The following TP53BP2 variants were observed in gnomAD, a reference collection of about 807,000 sequenced individuals.
The protein encoded by TP53BP2 is tumor protein p53 binding protein 2.
Under a neutral mutation model 126.2 loss-of-function variants are expected in TP53BP2, and 62 were observed. The ratio of observed to expected loss-of-function variants is 0.49; its 90% CI spans 0.40 to 0.61. TP53BP2 has a LOEUF of 0.61. TP53BP2 is among the 20% of genes least tolerant of loss of function. The pLI, the probability that TP53BP2 is intolerant of heterozygous loss-of-function variation, is 0.00. For missense variants in TP53BP2, 1,215 were observed against 1,402.8 expected (o/e 0.87, Z 2.14); for synonymous variants, 485 against 502.9 (o/e 0.96, Z 0.48).
intron 5 of TP53BP2, among the ~76,000 whole-genome samples, chr1:223,805,542 CA>C (rs1409793784): frequency 1.3e-5 from 2 of 152,188 alleles, no homozygotes; most frequent in East Asian, 3.8e-4. Flanking sequence ...TCTGGTATTA[CA>C]AACAGAAATG....
chr1:223,843,658 A>G (rs1451967921), intron 1 of TP53BP2, among the ~76,000 whole-genome samples: 1 of 152,192 alleles, frequency 6.6e-6, no homozygotes, highest in African/African-American at 2.4e-5. Flanking sequence ...CTACATTCTG[A>G]GACTATCCAT....
At chr1:223,842,187 C>A (rs1031354644) in intron 1 of TP53BP2, among the ~76,000 whole-genome samples, 1 of 152,186 alleles carries the variant, frequency 6.6e-6, no homozygotes, top group Non-Finnish European at 1.5e-5. Flanking sequence ...ATCCACCCAC[C>A]TCGGCCTCCC....
chr1:223,822,017 G>A (rs1014899330), intron 1 of TP53BP2, among the ~76,000 whole-genome samples: 1 of 151,606 alleles, frequency 6.6e-6, no homozygotes, highest in Non-Finnish European at 1.5e-5. Flanking sequence ...TCAGCCTCCC[G>A]AGTAGCTGGG....
At chr1:223,835,001 C>A (rs1036467793) in intron 1 of TP53BP2, among the ~76,000 whole-genome samples, 1 of 152,124 alleles carries the variant, frequency 6.6e-6, no homozygotes, top group Non-Finnish European at 1.5e-5. Context: ...TAACTCACTC[C>A]CCAAAAAACT....
intron 1 of TP53BP2, among the ~76,000 whole-genome samples, chr1:223,840,936 G>A (rs958877590): frequency 6.6e-6 from 1 of 152,210 alleles, no homozygotes; most frequent in African/African-American, 2.4e-5. Flanking sequence ...GAAGTCACAA[G>A]GCAACAAAAC....
intron 16 of TP53BP2, among the ~76,000 whole-genome samples, chr1:223,786,482 A>C (rs1056871376): frequency 3.9e-5 from 6 of 152,218 alleles, no homozygotes; most frequent in African/African-American, 1.4e-4. Flanking sequence ...GTTTAAAAAA[A>C]TCATATTCCA....
chr1:223,812,759 C>T (rs1004069360), intron 3 of TP53BP2, among the ~76,000 whole-genome samples: 3 of 152,128 alleles, frequency 2.0e-5, no homozygotes, highest in African/African-American at 7.2e-5. Context: ...AGGGTTTCAC[C>T]ATGTTGGCCA....
rs761492632 is a variant in TP53BP2, at chr1:223,802,274, T to C, written c.1067A>G (p.Tyr356Cys). The change falls in exon 9 of 18, where the codon TAT (tyrosine) becomes TGT (cysteine). Residue 356 changes from tyrosine (Y) to cysteine (C), a missense_variant. Tyr to Cys is a radical substitution (Grantham distance 194, BLOSUM62 -2). This residue lies in a region of TP53BP2 where 814 missense variants were observed against 853.0 expected (regional missense o/e 0.95). Coordinates refer to ENST00000343537, the MANE Select transcript of TP53BP2 (RefSeq NM_001031685.3). ...CCGAGGCATAGTAGACGACTGGATA[T>C]AGGGACCTACTGCAGCCACACGGCT... Reference protein sequence around the residue: ...APSRVAAVGPYIQSSTMPRMP... With the variant: ...APSRVAAVGPCIQSSTMPRMP... 7.4e-6 allele frequency: 12 copies of C among 1,614,230 alleles called. No individual in the cohort carries two copies. Among genetic ancestry groups the C allele is most frequent in the Non-Finnish European group, 1.0e-5 (12 of 1,180,026 alleles).
In TP53BP2 at chr1:223,795,994, T is replaced by G; in HGVS notation, c.2545A>C (p.Asn849His). 1 of 1,614,024 alleles carries G rather than the reference T, an allele frequency of 6.2e-7. No individual in the cohort carries two copies. The highest frequency in any genetic ancestry group is 8.5e-7 in the Non-Finnish European group (1 of 1,179,966). The change falls in exon 13 of 18, where the codon AAT becomes CAT. Residue 849 changes from asparagine to histidine, a missense_variant. This residue lies in a region of TP53BP2 where 204 missense variants were observed against 225.7 expected (regional missense o/e 0.90). Transcript: ENST00000343537. ...GGTTCTTCTGGGTTATTCTGGAGAT[T>G]TGGGCTGTTGTCTGGGACTCCCTCA... The part of the protein sequence containing the change: ...EPEGVPDNSP[N>H]LQNNPEEPNP...
In TP53BP2 at chr1:223,796,027, A is replaced by C. The variant is rs781076953; in HGVS notation, c.2512T>G (p.Tyr838Asp). The stretch of plus-strand genomic sequence containing the variant: ...TTGTCTGGGACTCCCTCAGGCTCAT[A>C]ATCAAGGCCTGGAGAAGGAGCTGGC... ...DMPAPSPGLD[Y>D]EPEGVPDNSP... Residue 838 changes from tyrosine to aspartate, a missense_variant, in exon 13 of 18, where the codon TAT becomes GAT. By Grantham distance (160) the Tyr-to-Asp change is radical. Transcript: ENST00000343537. This position sits in a 1 kb window ranked among gnomAD's most constrained non-coding sequence, Gnocchi z 4.2. The C allele has an allele frequency of 1.9e-6, 3 of 1,613,956 alleles. No homozygotes were observed. In the Middle Eastern group the frequency reaches 4.9e-4, roughly 265 times the overall value.
intron 1 of TP53BP2, among the ~76,000 whole-genome samples, chr1:223,824,809 C>T (rs893922429): frequency 3.3e-5 from 5 of 152,144 alleles, no homozygotes; most frequent in African/African-American, 1.2e-4. Context: ...CTAATCCCCC[C>T]TCACTCTGTG....
chr1:223,803,018 C>A lies in TP53BP2; in HGVS notation c.832-123G>T, dbSNP rs929087188. 6.6e-6 allele frequency: 7 copies of A among 1,062,268 alleles called. No individual in the cohort carries two copies. The African/African-American group carries it at 9.6e-5, about 15-fold the overall frequency. The allele number at this position is 1,062,268 out of a possible 1,614,324, so 65.8% of individuals were successfully genotyped here. ...TATGAGGTCCCTCCACCCCTCCACA[C>A]TTCTCATCTCATGGTTTAAAATTAA... On this transcript the variant is annotated intron_variant, in intron 7 of 17. Coordinates refer to ENST00000343537, the MANE Select transcript of TP53BP2 (RefSeq NM_001031685.3).
At chr1:223,800,334 C>T (rs963648019) in intron 10 of TP53BP2, among the ~76,000 whole-genome samples, 1 of 152,130 alleles carries the variant, frequency 6.6e-6, no homozygotes, top group African/African-American at 2.4e-5. Flanking sequence ...CGCCTGTAAT[C>T]CAAGCACTTT....
At chr1:223,800,585 T>TA (rs1253414295) in intron 10 of TP53BP2, 115 bp downstream of exon 10, 664 of 733,874 alleles carry the variant, frequency 9.0e-4, no homozygotes, top group Non-Finnish European at 1.1e-3. Context: ...ATCCTGTCTT[T>TA]AAAAAAAACA....
intron 1 of TP53BP2, among the ~76,000 whole-genome samples, chr1:223,844,738 G>A (rs1027153642): frequency 2.0e-5 from 3 of 152,162 alleles, no homozygotes; most frequent in African/African-American, 7.2e-5. Flanking sequence ...CTGTATGTAT[G>A]ACTGCAAACT....
In TP53BP2 at chr1:223,795,798, G is replaced by T; in HGVS notation, c.2724+17C>A. The T allele has an allele frequency of 6.7e-7, 1 of 1,499,420 alleles. No homozygotes were observed. 92.9% of individuals were successfully genotyped at this position (1,499,420 alleles called of 1,614,324 possible). A position where few individuals can be genotyped will look rare whatever the true frequency, so the allele number is the denominator to read the frequency against. ...TAAAGGACTCCGGAAAAGGCTATGA[G>T]ATAGTACATTACTTACAGGAGGCAG... On this transcript the variant is annotated intron_variant, in intron 13 of 17. Coordinates refer to ENST00000343537, the MANE Select transcript of TP53BP2 (RefSeq NM_001031685.3).
chr1:223,831,961 T>C (rs900043680), intron 1 of TP53BP2, among the ~76,000 whole-genome samples: 1 of 152,110 alleles, frequency 6.6e-6, no homozygotes, highest in East Asian at 1.9e-4. Context: ...ACTGTAACTA[T>C]GATGTTATGC....
At chr1:223,839,828 G>A (rs1397336838) in intron 1 of TP53BP2, among the ~76,000 whole-genome samples, 3 of 152,176 alleles carry the variant, frequency 2.0e-5, no homozygotes, top group South Asian at 2.1e-4. Context: ...CCAACTACTC[G>A]GGAGGCTGCT....
rs956865207 is a variant in TP53BP2 at position 223,801,988 on chromosome 1, A to G, written c.1225+128T>C. The stretch of plus-strand genomic sequence containing the variant: ...TTTTTAAACGTCTCATTACACCAGC[A>G]AAGAATATAAAAGGATTTTTAGAAT... On this transcript the variant is annotated intron_variant, in intron 9 of 17. Coordinates refer to ENST00000343537, the MANE Select transcript of TP53BP2 (RefSeq NM_001031685.3). The G allele has an allele frequency of 7.4e-6, 7 of 941,870 alleles. No homozygotes were observed. The Admixed American group carries it at 1.4e-4, about 19-fold the overall frequency. The allele number at this position is 941,870 out of a possible 1,614,324, so 58.3% of individuals were successfully genotyped here.
Sources: allele counts gnomAD v4.1 joint callset (sites outside exome capture counted in the v4.1 genomes callset), GRCh38; gene constraint gnomAD v4.1.1; regional missense constraint gnomAD v4.1.1; non-coding constraint Gnocchi (gnomAD v3.1); transcripts MANE v1.5; gene names NCBI Gene and HGNC (gene_info 2026-07-23, HGNC 2026-07-21).